Variants in RBFOX1 observed in about 807,000 individuals in gnomAD.
RBFOX1 encodes the protein RNA binding fox-1 homolog 1.
In RBFOX1, 8 loss-of-function variants were observed where a neutral mutation model predicts 57.7. That is an observed-to-expected ratio of 0.14 (90% confidence interval 0.08 to 0.25). The LOEUF is 0.25. RBFOX1 is among the 10% of genes least tolerant of loss of function. The probability of loss-of-function intolerance (pLI) is 1.00; values close to 1 mark genes in which losing one functional copy is unlikely to be tolerated. For synonymous variants in RBFOX1, 326 were observed against 222.4 expected, an observed-to-expected ratio of 1.47 and a Z score of -4.15; for missense variants, 611 against 548.5, an observed-to-expected ratio of 1.11 and a Z score of -1.14.
intron 1 of RBFOX1, among the ~76,000 whole-genome samples, chr16:6,255,406 GCA>G (rs1312220746): frequency 6.6e-6 from 1 of 152,154 alleles, no homozygotes; most frequent in African/African-American, 2.4e-5. Context: ...AGGTGAAAGG[GCA>G]CAGGACAGGA....
At chr16:5,831,620 G>A (rs900838251) in intron 3 of RBFOX1, among the ~76,000 whole-genome samples, 2 of 151,948 alleles carry the variant, frequency 1.3e-5, no homozygotes, top group Non-Finnish European at 2.9e-5. Flanking sequence ...CTCCTGAGTA[G>A]CTGGGGTTAC....
At chr16:7,107,741 ACT>A (rs1165852498) in intron 4 of RBFOX1, among the ~76,000 whole-genome samples, 1 of 152,126 alleles carries the variant, frequency 6.6e-6, no homozygotes. Context: ...AGGTGGAGTT[ACT>A]TTTTATAGCT....
At chr16:7,388,697 T>C (rs1310048630) in intron 4 of RBFOX1, among the ~76,000 whole-genome samples, 2 of 151,058 alleles carry the variant, frequency 1.3e-5, no homozygotes, top group East Asian at 1.9e-4. Context: ...GAAACCTTTC[T>C]GTTTTTTCAC....
intron 1 of RBFOX1, among the ~76,000 whole-genome samples, chr16:6,233,469 C>T (rs377540804): frequency 2.2e-4 from 34 of 152,274 alleles, no homozygotes; most frequent in South Asian, 8.3e-4. Flanking sequence ...ACCCCATAGG[C>T]AGCCTTTCAG....
chr16:7,346,323 C>A (rs1315059622), intron 4 of RBFOX1, among the ~76,000 whole-genome samples: 1 of 151,784 alleles, frequency 6.6e-6, no homozygotes, highest in Non-Finnish European at 1.5e-5. Flanking sequence ...TAGAGTAAAC[C>A]ACGATGGCAG....
chr16:7,504,751 A>T (rs866237197), intron 4 of RBFOX1, among the ~76,000 whole-genome samples: 12 of 5,864 alleles, frequency 2.0e-3, no homozygotes, highest in Non-Finnish European at 4.3e-3. Flanking sequence ...ATATATATAT[A>T]TATTTATATA....
At chr16:6,396,467 AT>A (rs1459237399) in intron 2 of RBFOX1, among the ~76,000 whole-genome samples, 1 of 151,964 alleles carries the variant, frequency 6.6e-6, no homozygotes, top group African/African-American at 2.4e-5. Context: ...AGATTTACCT[AT>A]AAAATCTACA....
chr16:6,811,041 A>G (rs1220933429), intron 3 of RBFOX1, among the ~76,000 whole-genome samples: 1 of 152,202 alleles, frequency 6.6e-6, no homozygotes, highest in South Asian at 2.1e-4. Flanking sequence ...AAAACTGATG[A>G]TGATAAGATA....
At chr16:6,930,911 T>G (rs942841514) in intron 3 of RBFOX1, among the ~76,000 whole-genome samples, 1 of 152,062 alleles carries the variant, frequency 6.6e-6, no homozygotes, top group Non-Finnish European at 1.5e-5. Context: ...TAGCCGAGTC[T>G]TCTGTGTATT....
intron 1 of RBFOX1, among the ~76,000 whole-genome samples, chr16:6,066,442 C>G (rs2343571): frequency 0.93 from 141,468 of 152,210 alleles, 65,807 homozygotes; most frequent in African/African-American, 0.96. Flanking sequence ...AAGGGAAAAA[C>G]CCTTTGTTCA....
chr16:7,036,126 A>T (rs190308968), intron 3 of RBFOX1, among the ~76,000 whole-genome samples: 4 of 151,982 alleles, frequency 2.6e-5, no homozygotes, highest in Non-Finnish European at 4.4e-5. Context: ...CAGCCTGGGG[A>T]TGTCCACCTT....
chr16:5,926,222 A>T (rs2058937740), intron 4 of RBFOX1, among the ~76,000 whole-genome samples: 1 of 152,240 alleles, frequency 6.6e-6, no homozygotes, highest in Non-Finnish European at 1.5e-5. Flanking sequence ...ATAATTACCC[A>T]TATGACACTT....
At chr16:6,495,911 C>A (rs1241516678) in intron 2 of RBFOX1, among the ~76,000 whole-genome samples, 1 of 152,212 alleles carries the variant, frequency 6.6e-6, no homozygotes, top group African/African-American at 2.4e-5. Context: ...GGCTGCTTTA[C>A]ATTAATCCTT....
At chr16:5,246,967 C>T (rs532891520) in intron 1 of RBFOX1, among the ~76,000 whole-genome samples, 46 of 152,268 alleles carry the variant, frequency 3.0e-4, no homozygotes, top group African/African-American at 1.0e-3. Flanking sequence ...CACCATGCCT[C>T]GCTGAGTTCA....
At chr16:6,888,414 A>G (rs765211827) in intron 3 of RBFOX1, among the ~76,000 whole-genome samples, 1 of 152,156 alleles carries the variant, frequency 6.6e-6, no homozygotes, top group Non-Finnish European at 1.5e-5. Flanking sequence ...ACTGATGTCA[A>G]CACTTAGAAA....
intron 1 of RBFOX1, among the ~76,000 whole-genome samples, chr16:5,258,164 G>C (rs2062637027): frequency 6.6e-6 from 1 of 152,158 alleles, no homozygotes; most frequent in Non-Finnish European, 1.5e-5. Context: ...TTATAGGCAT[G>C]AGCTGCTGTG....
At position 5,290,126 on chromosome 16, in the gene RBFOX1, G is replaced by T. The variant is rs1481879208; in HGVS notation, c.219+50021G>T. ...TAAGTGGAAGAAACCAGTCACAAAA[G>T]GTCACATAAGATTTCATTTATATGA... On this transcript the variant is annotated intron_variant, in intron 1 of 2. Coordinates refer to the RBFOX1 transcript ENST00000585867. 2.6e-5 allele frequency among the ~76,000 whole-genome samples: 4 copies of T among 152,136 alleles called. No homozygotes were observed. The East Asian group carries it at 5.8e-4, about 22-fold the overall frequency.
intron 1 of RBFOX1, among the ~76,000 whole-genome samples, chr16:6,136,558 C>G (rs2096668898): frequency 6.6e-6 from 1 of 152,132 alleles, no homozygotes; most frequent in Non-Finnish European, 1.5e-5. Context: ...TGCCTGAGTT[C>G]TGTGCATTTC....
At chr16:6,780,201 TTATATATTTATATATATTTA>T (rs1446878393) in intron 3 of RBFOX1, among the ~76,000 whole-genome samples, 7 of 16,446 alleles carry the variant, frequency 4.3e-4, no homozygotes, top group African/African-American at 6.6e-4. Context: ...TTATATATTT[TTATATATTTATATATATTTA>T]TATATATATT....
Sources: allele counts gnomAD v4.1 joint callset (sites outside exome capture counted in the v4.1 genomes callset), GRCh38; gene constraint gnomAD v4.1.1; transcripts MANE v1.5; gene names NCBI Gene and HGNC (gene_info 2026-07-23, HGNC 2026-07-21).